The following CACNA2D4 variants were observed in gnomAD, a reference collection of about 807,000 sequenced individuals.
The protein encoded by CACNA2D4 is calcium voltage-gated channel auxiliary subunit alpha2delta 4, also known as voltage-dependent calcium channel subunit alpha-2/delta-4.
CACNA2D4 carries 157 observed loss-of-function variants against 163.8 expected under a neutral mutation model. The ratio of observed to expected loss-of-function variants is 0.96; its 90% CI spans 0.84 to 1.09. The LOEUF (loss-of-function observed/expected upper bound fraction) is 1.09, where lower values mean the gene tolerates loss of function less well. Among genes scored for constraint, CACNA2D4 ranks in the 50% least tolerant of loss-of-function variants. CACNA2D4 has a pLI of 0.00. For synonymous variants in CACNA2D4, 598 were observed against 586.9 expected (o/e 1.02, Z -0.27); for missense variants, 1,410 against 1,479.9 (o/e 0.95, Z 0.78).
chr12:1,870,671 G>A (rs749626442), intron 18 of CACNA2D4, among the ~76,000 whole-genome samples: 1 of 151,934 alleles, frequency 6.6e-6, no homozygotes, highest in African/African-American at 2.4e-5. Context: ...GCTGAAGGGT[G>A]AGTCTAGTCA....
At chr12:1,809,557 T>C in intron 29 of CACNA2D4, 2 of 703,012 alleles carry the variant, frequency 2.8e-6, no homozygotes, top group South Asian at 3.0e-5. Flanking sequence ...CTTTCTCAGT[T>C]TGATTCCTGG....
intron 31 of CACNA2D4, 133 bp from the exon 32 acceptor site, chr12:1,800,571 ACAGGCCAGCAGCCCAGCAC>A: frequency 3.6e-6 from 3 of 840,984 alleles, no homozygotes; most frequent in Non-Finnish European, 5.8e-6. Flanking sequence ...GCAGCAGAGC[ACAGGCCAGCAGCCCAGCAC>A]CCCCCATCCC....
intron 34 of CACNA2D4, 26 bp from the exon 35 acceptor site, chr12:1,797,561 C>A: frequency 6.6e-7 from 1 of 1,523,726 alleles, no homozygotes; most frequent in Non-Finnish European, 8.9e-7. Context: ...GGACATCACG[C>A]CACCGAAGGG....
chr12:1,885,195 C>G (rs77083083), intron 9 of CACNA2D4, 119 bp from the exon 10 acceptor site: 1 of 811,220 alleles, frequency 1.2e-6, no homozygotes, highest in Non-Finnish European at 2.2e-6. Context: ...ATTTCAGGGC[C>G]TGTGTCTCCA....
In CACNA2D4 at chr12:1,818,386, A is replaced by G. The variant is rs941331545; in HGVS notation, c.2552-6663T>C. Among the ~76,000 whole-genome samples the G allele has an allele frequency of 1.9e-4, 29 of 151,920 alleles. 1 individual carries two copies. Among genetic ancestry groups the G allele is most frequent in the Admixed American group, 6.5e-5 (1 of 15,272 alleles). On this transcript the variant is annotated intron_variant, in intron 26 of 37. Coordinates refer to ENST00000382722, the MANE Select transcript of CACNA2D4 (RefSeq NM_172364.5). The stretch of plus-strand genomic sequence containing the variant: ...GGATGGTTGCCGTGTCTGTGTAGAA[A>G]GAAGTAGACATGGGAGACTTTTCAT...
At chr12:1,889,077 T>A (rs1250378891) in intron 6 of CACNA2D4, among the ~76,000 whole-genome samples, 1 of 152,164 alleles carries the variant, frequency 6.6e-6, no homozygotes, top group East Asian at 1.9e-4. Context: ...GGATAAACAG[T>A]TTTAAGATGT....
chr12:1,831,038 T>C, intron 26 of CACNA2D4: 1 of 1,614,090 alleles, frequency 6.2e-7, no homozygotes, highest in South Asian at 1.1e-5. Flanking sequence ...GCAGTGGCCT[T>C]GGCCTCACCA....
Position 1,844,702 on chromosome 12 carries a change from C to T in CACNA2D4, c.2343-173G>A, listed in dbSNP as rs375125223. On this transcript the variant is annotated intron_variant, in intron 24 of 37. Coordinates refer to ENST00000382722, the MANE Select transcript of CACNA2D4 (RefSeq NM_172364.5). This position sits in a 1 kb window ranked among gnomAD's most constrained non-coding sequence, Gnocchi z 4.2. Reference sequence around the variant, plus strand: ...ATTCTCGCCTTTTCCAGAAACAAAACGATGTCATGTTGCATCTAGCTAGCA... The same window carrying T: ...ATTCTCGCCTTTTCCAGAAACAAAATGATGTCATGTTGCATCTAGCTAGCA... Among the ~76,000 whole-genome samples the T allele has an allele frequency of 1.4e-4, 22 of 152,308 alleles. No homozygotes were observed. In the South Asian group the frequency reaches 3.3e-3, roughly 23 times the overall value.
At chr12:1,842,433 T>C (rs1454467728) in intron 25 of CACNA2D4, among the ~76,000 whole-genome samples, 1 of 152,082 alleles carries the variant, frequency 6.6e-6, no homozygotes, top group Admixed American at 6.6e-5. Flanking sequence ...TGAAACGCGG[T>C]TGTTTTCCTT....
Position 1,799,486 on chromosome 12 carries a change from C to T in CACNA2D4, c.2995+189G>A, listed in dbSNP as rs576864323. Among the ~76,000 whole-genome samples the T allele has an allele frequency of 1.3e-5, 2 of 152,280 alleles. No homozygotes were observed. The highest frequency in any genetic ancestry group is 3.9e-4 in the East Asian group (2 of 5,178). On this transcript the variant is annotated intron_variant, in intron 34 of 37. Transcript: ENST00000382722. This position sits in a 1 kb window ranked among gnomAD's most constrained non-coding sequence, Gnocchi z 4.7. Reference sequence around the variant, plus strand: ...CTCATTTTCCCTGGGGCCTGACCGTCCTCATGTGGGATGAGAACTGGGCTA... The same window carrying T: ...CTCATTTTCCCTGGGGCCTGACCGTTCTCATGTGGGATGAGAACTGGGCTA...
chr12:1,812,893 G>A (rs1173065545), intron 26 of CACNA2D4, among the ~76,000 whole-genome samples: 1 of 152,168 alleles, frequency 6.6e-6, no homozygotes, highest in African/African-American at 2.4e-5. Context: ...TAACCATTAC[G>A]CTGTGTCCGT....
chr12:1,822,167 C>T (rs1054054693), intron 26 of CACNA2D4: 1 of 152,164 alleles, frequency 6.6e-6, no homozygotes, highest in Admixed American at 6.5e-5. Flanking sequence ...GCTTAAGCAG[C>T]CGATCTGGTG....
intron 32 of CACNA2D4, 149 bp from the exon 33 acceptor site, chr12:1,800,201 G>C: frequency 1.0e-6 from 1 of 965,356 alleles, no homozygotes; most frequent in Non-Finnish European, 1.6e-6. Flanking sequence ...TGAGCAATGA[G>C]GTCCCTCCCA....
At chr12:1,840,672 G>A in intron 26 of CACNA2D4, 67 bp downstream of exon 26, 1 of 1,358,828 alleles carries the variant, frequency 7.4e-7, no homozygotes, top group South Asian at 1.2e-5. Context: ...CTTCTGCTGT[G>A]ATCTATGCCT....
chr12:1,822,084 A>G (rs1362218559), intron 26 of CACNA2D4: 2 of 152,104 alleles, frequency 1.3e-5, no homozygotes, highest in Non-Finnish European at 2.9e-5. Context: ...ACCGGCAGAA[A>G]GAAAGTCTCA....
In CACNA2D4 at chr12:1,884,390, T is replaced by C. The variant is rs538962605; in HGVS notation, c.1273-69A>G. On this transcript the variant is annotated intron_variant, in intron 11 of 37. Coordinates refer to ENST00000382722, the MANE Select transcript of CACNA2D4 (RefSeq NM_172364.5). ...CCATAAGTAATGTTAACATTGTTTA[T>C]ATGAGTCTTAGATGTTGGCCCCAGT... 6.2e-6 allele frequency: 8 copies of C among 1,287,800 alleles called. No homozygotes were observed. In the Admixed American group the frequency reaches 7.5e-5, roughly 12 times the overall value. 79.8% of individuals were successfully genotyped at this position (1,287,800 alleles called of 1,614,324 possible). A position where few individuals can be genotyped will look rare whatever the true frequency, so the allele number is the denominator to read the frequency against.
At chr12:1,804,838 TG>T (rs1863475409) in intron 29 of CACNA2D4, among the ~76,000 whole-genome samples, 1 of 152,260 alleles carries the variant, frequency 6.6e-6, no homozygotes, top group Admixed American at 6.5e-5. Context: ...GGGCCCAGGC[TG>T]CCTTCATCCA....
In CACNA2D4 at chr12:1,884,822, G is replaced by A. The variant is rs200027649; in HGVS notation, c.1218C>T (p.Gly406=). ...ACACCGGCTCGTAGTCCTCCACGGC[G>A]CCGTCGCTGATGAGCATGATGGCCT... The part of the protein sequence containing the change: ...CNQAIMLISD[G]AVEDYEPVFE... The change falls in exon 11 of 38, where the codon GGC becomes GGT. Residue 406 remains glycine, a synonymous_variant. Coordinates refer to ENST00000382722, the MANE Select transcript of CACNA2D4 (RefSeq NM_172364.5). 4.5e-4 allele frequency: 730 copies of A among 1,613,746 alleles called. No homozygotes were observed. Among genetic ancestry groups the A allele is most frequent in the African/African-American group, 1.2e-3 (89 of 75,008 alleles).
intron 20 of CACNA2D4, among the ~76,000 whole-genome samples, chr12:1,858,299 T>C (rs16928837): frequency 0.088 from 13,442 of 152,190 alleles, 1,229 homozygotes; most frequent in East Asian, 0.43. Flanking sequence ...GCCTTGACGG[T>C]CCTTCTAGTC....
Sources: gnomAD v4.1 joint callset for allele counts (sites outside exome capture counted in the v4.1 genomes callset) on GRCh38, gnomAD v4.1.1 for gene constraint, Gnocchi (gnomAD v3.1) non-coding constraint, MANE v1.5 for transcripts, NCBI Gene and HGNC (gene_info 2026-07-23, HGNC 2026-07-21) for gene names.